Variants in SLIT3 observed in about 807,000 individuals in gnomAD.
The protein encoded by SLIT3 is slit homolog 3 protein.
A neutral mutation model predicts 184.0 loss-of-function variants in SLIT3; 68 were observed. That is an observed-to-expected ratio of 0.37 (90% CI 0.30 to 0.45). The LOEUF is 0.45. Ranked by LOEUF, SLIT3 falls within the 20% of genes least tolerant of loss-of-function variation. The pLI, the probability that SLIT3 is intolerant of heterozygous loss-of-function variation, is 1.00. For synonymous variants in SLIT3, 831 were observed against 828.6 expected, an observed-to-expected ratio of 1.00 and a Z score of -0.05; for missense variants, 1,707 against 2,026.0, an observed-to-expected ratio of 0.84 and a Z score of 3.02.
In SLIT3 at chr5:168,872,620, CTT is replaced by C. The variant is rs1450639246; in HGVS notation, c.485+10643_485+10644del. Among the ~76,000 whole-genome samples, 70 of 138,268 alleles carry C rather than the reference CTT, an allele frequency of 5.1e-4. 1 individual carries two copies. The highest frequency in any genetic ancestry group is 1.7e-3 in the African/African-American group (63 of 36,746). 90.7% of individuals were successfully genotyped at this position (138,268 alleles called of 152,430 possible). On this transcript the variant is annotated intron_variant, in intron 5 of 35. Coordinates refer to ENST00000519560, the MANE Select transcript of SLIT3 (RefSeq NM_003062.4). Reference sequence around the variant, plus strand: ...TTTTTTTTAAAGTTCGTACTTTCTTCTTTTCTTCTTCTTCTTCTTCTTTTTTT... The same window carrying C: ...TTTTTTTTAAAGTTCGTACTTTCTTCTTCTTCTTCTTCTTCTTCTTTTTTT...
intron 4 of SLIT3, among the ~76,000 whole-genome samples, chr5:169,010,273 A>G (rs1756095094): frequency 6.6e-6 from 1 of 152,158 alleles, no homozygotes; most frequent in South Asian, 2.1e-4. Flanking sequence ...CCAGATGAAC[A>G]GCGATAAGGG....
At chr5:168,777,103 ACACC>A (rs1349614408) in intron 12 of SLIT3, among the ~76,000 whole-genome samples, 324 of 11,848 alleles carry the variant, frequency 0.027, 1 homozygote, top group African/African-American at 0.036. Context: ...ACACACACAC[ACACC>A]CCCCATACCA....
At position 168,752,957 on chromosome 5, in the gene SLIT3, G is replaced by T; in HGVS notation, c.1971C>A (p.Thr657=). ...GAFTTLVSLS[T]INLLSNPFNC... ...GCAGTGGACCCAGGAGAACTTACAT[G>T]GTGGACAGGGAGACAAGCGTGGTGA... The change falls in exon 18 of 36, where the codon ACC becomes ACA. Residue 657 remains threonine, a splice_region_variant and synonymous_variant. Coordinates refer to ENST00000519560, the MANE Select transcript of SLIT3 (RefSeq NM_003062.4). The T allele has an allele frequency of 6.2e-7, 1 of 1,614,050 alleles. No individual in the cohort carries two copies. The highest frequency in any genetic ancestry group is 1.1e-5 in the South Asian group (1 of 91,058).
chr5:168,943,906 G>T (rs533314021), intron 4 of SLIT3, among the ~76,000 whole-genome samples: 224 of 152,284 alleles, frequency 1.5e-3, no homozygotes, highest in African/African-American at 5.1e-3. Context: ...GCTGACAGTT[G>T]CTTTAAGTCA....
chr5:168,666,682 C>T lies in SLIT3; in HGVS notation c.4344G>A (p.Pro1448=), dbSNP rs768060950. ...FSGEHCQQEN[P]CLGQVVREVI... is the part of the protein sequence containing the mutation. ...CCTCTCGGACTACTTGTCCCAGGCACGGATTCTCTGCAGAGGGCATAGAAG... is the reference window on the plus strand; with the variant it reads ...CCTCTCGGACTACTTGTCCCAGGCATGGATTCTCTGCAGAGGGCATAGAAG... The change falls in exon 36 of 36, where the codon CCG becomes CCA. Residue 1448 remains proline, a synonymous_variant. Coordinates refer to ENST00000519560, the MANE Select transcript of SLIT3 (RefSeq NM_003062.4). The T allele has an allele frequency of 8.4e-5, 135 of 1,614,024 alleles. No homozygotes were observed. The highest frequency in any genetic ancestry group is 9.9e-5 in the Non-Finnish European group (117 of 1,180,050).
At chr5:168,757,507 C>T (rs1040333640) in intron 16 of SLIT3, among the ~76,000 whole-genome samples, 3 of 151,486 alleles carry the variant, frequency 2.0e-5, no homozygotes, top group Non-Finnish European at 4.4e-5. Context: ...GATCTCGGCT[C>T]ACTGGAAGCT....
chr5:169,153,695 G>C lies in SLIT3; in HGVS notation c.413+39784C>G, dbSNP rs577545145. Among the ~76,000 whole-genome samples the C allele has an allele frequency of 3.9e-5, 6 of 152,376 alleles. 1 individual carries two copies. The South Asian group carries it at 1.2e-3, about 32-fold the overall frequency. ...GAAGTTAATTATCTCTTGGGCAGAG[G>C]GGATGTTGGGATTTCTGCCTTGCAG... On this transcript the variant is annotated intron_variant, in intron 4 of 35. Transcript: ENST00000519560.
At chr5:169,278,776 A>G (rs1766900188) in intron 1 of SLIT3, among the ~76,000 whole-genome samples, 1 of 151,992 alleles carries the variant, frequency 6.6e-6, no homozygotes, top group South Asian at 2.1e-4. Flanking sequence ...CCATCCCTCA[A>G]AGCTCATTTT....
intron 6 of SLIT3, among the ~76,000 whole-genome samples, chr5:168,825,057 T>C (rs962896206): frequency 6.6e-6 from 1 of 152,178 alleles, no homozygotes; most frequent in African/African-American, 2.4e-5. Context: ...AAGTTATCAA[T>C]ATCTCTTATC....
In SLIT3 at chr5:169,159,814, C is replaced by T. The variant is rs531625211; in HGVS notation, c.413+33665G>A. On this transcript the variant is annotated intron_variant, in intron 4 of 35. Transcript: ENST00000519560. ...CAAAAAAAAGCATGACCCAACTATA[C>T]GCTAACGTGATATAAGCAAAAGTGC... is the stretch of plus-strand genomic sequence containing the variant. Among the ~76,000 whole-genome samples the T allele has an allele frequency of 3.7e-4, 57 of 152,232 alleles. No individual in the cohort carries two copies. In the South Asian group the frequency reaches 0.011, roughly 29 times the overall value.
chr5:168,868,450 C>T (rs954744945), intron 5 of SLIT3, among the ~76,000 whole-genome samples: 9 of 152,120 alleles, frequency 5.9e-5, no homozygotes, highest in Non-Finnish European at 1.0e-4. Flanking sequence ...TTAACTTTCA[C>T]GTTAAAAATT....
intron 3 of SLIT3, among the ~76,000 whole-genome samples, chr5:169,198,058 A>AC (rs1671952638): frequency 6.6e-6 from 1 of 152,226 alleles, no homozygotes; most frequent in South Asian, 2.1e-4. Context: ...CTATGCATCA[A>AC]CCAACCCATC....
At chr5:169,220,726 G>C (rs1028635747) in intron 3 of SLIT3, among the ~76,000 whole-genome samples, 3 of 152,160 alleles carry the variant, frequency 2.0e-5, no homozygotes, top group African/African-American at 7.2e-5. Context: ...TTCAAAAGTA[G>C]TCAATAGTAA....
chr5:168,926,342 T>C (rs1455714676), intron 4 of SLIT3, among the ~76,000 whole-genome samples: 1 of 152,232 alleles, frequency 6.6e-6, no homozygotes, highest in Non-Finnish European at 1.5e-5. Context: ...TATGAGGTCC[T>C]GAGAAGGGGC....
At chr5:169,011,465 C>T (rs1257527565) in intron 4 of SLIT3, among the ~76,000 whole-genome samples, 1 of 152,154 alleles carries the variant, frequency 6.6e-6, no homozygotes. Flanking sequence ...TGGCTTCATT[C>T]CTCCGCGGCT....
chr5:168,882,505 C>T (rs748196675), intron 5 of SLIT3, among the ~76,000 whole-genome samples: 4 of 152,270 alleles, frequency 2.6e-5, no homozygotes, highest in Middle Eastern at 3.4e-3. Context: ...CCTATGCCTG[C>T]GCTCACACAG....
chr5:168,792,150 G>T (rs1392525883), intron 10 of SLIT3: 1 of 152,178 alleles, frequency 6.6e-6, no homozygotes, highest in South Asian at 2.1e-4. Flanking sequence ...CTATTTTGTT[G>T]TGATGGAGGC....
At chr5:168,750,747 G>A (rs1180413758) in intron 18 of SLIT3, among the ~76,000 whole-genome samples, 1 of 151,906 alleles carries the variant, frequency 6.6e-6, no homozygotes, top group African/African-American at 2.4e-5. Flanking sequence ...TCGTTCATTC[G>A]ATTCATTCCT....
Position 169,081,543 on chromosome 5 carries a change from C to A in SLIT3, c.413+111936G>T, listed in dbSNP as rs373729482. ...GTTTTTATGGCATGTTTTGGAGCAA[C>A]CGGATGTTTTAGAGTCTTCTTCCCT... On this transcript the variant is annotated intron_variant, in intron 4 of 35. Transcript: ENST00000519560. Among the ~76,000 whole-genome samples, 8 of 152,124 alleles carry A rather than the reference C, an allele frequency of 5.3e-5. No homozygotes were observed. The East Asian group carries it at 1.2e-3, about 22-fold the overall frequency.
Sources: allele counts gnomAD v4.1 joint callset (sites outside exome capture counted in the v4.1 genomes callset), GRCh38; gene constraint gnomAD v4.1.1; transcripts MANE v1.5; gene names NCBI Gene and HGNC (gene_info 2026-07-23, HGNC 2026-07-21).